Variants in RAP1GDS1 observed in about 807,000 individuals in gnomAD.
RAP1GDS1 encodes Rap1 GTPase-GDP dissociation stimulator 1.
RAP1GDS1 carries 35 observed loss-of-function variants against 71.1 expected under a neutral mutation model. That is an observed-to-expected ratio of 0.49 (90% CI 0.38 to 0.65). RAP1GDS1 has a LOEUF of 0.65. RAP1GDS1 is among the 30% of genes least tolerant of loss of function. RAP1GDS1 has a pLI of 0.00. For synonymous variants in RAP1GDS1, 229 were observed against 243.1 expected (o/e 0.94, Z 0.54); for missense variants, 663 against 706.1 (o/e 0.94, Z 0.69).
At position 98,383,449 on chromosome 4, in the gene RAP1GDS1, A is replaced by G. The variant is rs3775539; in HGVS notation, c.508+4286A>G. On this transcript the variant is annotated intron_variant, in intron 5 of 14. Coordinates refer to ENST00000408927, the MANE Select transcript of RAP1GDS1 (RefSeq NM_001100427.2). The stretch of plus-strand genomic sequence containing the variant: ...TATATGATTTCTACAAATACAGCCG[A>G]TTTTTCTAATATTTTAATTACTCCT... Among the ~76,000 whole-genome samples, 224 of 151,496 alleles carry G rather than the reference A, an allele frequency of 1.5e-3. 14 individuals carry two copies. The East Asian group carries it at 0.042, about 29-fold the overall frequency.
At chr4:98,284,279 C>T (rs553525107) in intron 1 of RAP1GDS1, among the ~76,000 whole-genome samples, 3 of 152,040 alleles carry the variant, frequency 2.0e-5, no homozygotes, top group South Asian at 2.1e-4. Context: ...AGTTTGTTAC[C>T]TGGATAAATT....
In RAP1GDS1 at chr4:98,433,988, T is replaced by C; in HGVS notation, c.1493T>C (p.Met498Thr). ...GGTGGCATCAAGCATCTAGTTACCATGGCAACTAGTGAACATGTAATAATG... is the reference window on the plus strand; with the variant it reads ...GGTGGCATCAAGCATCTAGTTACCACGGCAACTAGTGAACATGTAATAATG... Reference protein sequence around the residue: ...QSGGIKHLVTMATSEHVIMQN... With the variant: ...QSGGIKHLVTTATSEHVIMQN... The change falls in exon 13 of 15, where the codon ATG becomes ACG. Residue 498 changes from methionine to threonine, a missense_variant. Coordinates refer to ENST00000408927, the MANE Select transcript of RAP1GDS1 (RefSeq NM_001100427.2). 6.2e-7 allele frequency: 1 copy of C among 1,613,074 alleles called. No homozygotes were observed. The highest frequency in any genetic ancestry group is 2.2e-5 in the East Asian group (1 of 44,858).
chr4:98,379,150 T>C lies in RAP1GDS1; in HGVS notation c.495T>C (p.Tyr165=). The change falls in exon 5 of 15, where the codon TAT becomes TAC. Residue 165 remains tyrosine, a synonymous_variant. Coordinates refer to ENST00000408927, the MANE Select transcript of RAP1GDS1 (RefSeq NM_001100427.2). The part of the protein sequence containing the change: ...LTVFCGMLMN[Y]SNENDSLQAQ... ...TCTTTTGTGGCATGCTGATGAACTATAGCAATGAGAATGGTAAACAAAACT... is the reference window on the plus strand; with the variant it reads ...TCTTTTGTGGCATGCTGATGAACTACAGCAATGAGAATGGTAAACAAAACT... 6.3e-7 allele frequency: 1 copy of C among 1,594,080 alleles called. No individual in the cohort carries two copies. The highest frequency in any genetic ancestry group is 1.2e-5 in the South Asian group (1 of 86,752).
In RAP1GDS1 at chr4:98,413,435, C is replaced by T. The variant is rs183664180; in HGVS notation, c.764-3310C>T. On this transcript the variant is annotated intron_variant, in intron 7 of 14. Coordinates refer to ENST00000408927, the MANE Select transcript of RAP1GDS1 (RefSeq NM_001100427.2). ...CCTTCCAGTGTCCATGTGATCTCAT[C>T]GTTCAATTCCCACCTATGAGTGAGA... Among the ~76,000 whole-genome samples the T allele has an allele frequency of 5.8e-3, 873 of 151,174 alleles. 4 individuals are homozygous for T. The highest frequency in any genetic ancestry group is 0.02 in the African/African-American group (835 of 41,240).
At chr4:98,318,183 G>A (rs1367192335) in intron 2 of RAP1GDS1, among the ~76,000 whole-genome samples, 1 of 151,948 alleles carries the variant, frequency 6.6e-6, no homozygotes, top group African/African-American at 2.4e-5. Flanking sequence ...TAGCCACTCT[G>A]GATAAATATC....
At chr4:98,313,246 G>C (rs1389579122) in intron 2 of RAP1GDS1, among the ~76,000 whole-genome samples, 1 of 152,014 alleles carries the variant, frequency 6.6e-6, no homozygotes, top group Non-Finnish European at 1.5e-5. Flanking sequence ...AAGGTGTGTT[G>C]TTTATTCTGT....
At chr4:98,293,612 A>G (rs1031167403) in intron 2 of RAP1GDS1, 97 bp downstream of exon 2, 3 of 825,334 alleles carry the variant, frequency 3.6e-6, no homozygotes, top group African/African-American at 3.5e-5. Flanking sequence ...CTTTGTATTC[A>G]TATAACTTGA....
intron 5 of RAP1GDS1, among the ~76,000 whole-genome samples, chr4:98,391,612 T>C (rs1185306959): frequency 6.6e-6 from 1 of 152,130 alleles, no homozygotes; most frequent in African/African-American, 2.4e-5. Context: ...CTCTAAATTT[T>C]TCACTCAAAA....
chr4:98,432,080 C>T (rs548139296), intron 12 of RAP1GDS1, among the ~76,000 whole-genome samples: 74 of 152,148 alleles, frequency 4.9e-4, no homozygotes, highest in Non-Finnish European at 5.4e-4. Flanking sequence ...TATCCCTCCC[C>T]GCTCCCCCCA....
At position 98,435,411 on chromosome 4, in the gene RAP1GDS1, TA is replaced by T. The variant is rs200526444; in HGVS notation, c.1567+1351del. Among the ~76,000 whole-genome samples, 829 of 152,290 alleles carry T rather than the reference TA, an allele frequency of 5.4e-3. 5 individuals carry two copies. Among genetic ancestry groups the T allele is most frequent in the African/African-American group, 0.019 (805 of 41,554 alleles). On this transcript the variant is annotated intron_variant, in intron 13 of 14. Coordinates refer to ENST00000408927, the MANE Select transcript of RAP1GDS1 (RefSeq NM_001100427.2). ...ATATGAATTATATACTATATTCTTA[TA>T]ATAAAGCCAGAGAAAAGAAAATGTT...
At chr4:98,286,886 T>TAAAAA (rs778410316) in intron 1 of RAP1GDS1, among the ~76,000 whole-genome samples, 4 of 90,136 alleles carry the variant, frequency 4.4e-5, no homozygotes, top group African/African-American at 8.1e-5. Flanking sequence ...AACTCCGTCT[T>TAAAAA]AAAAAAAAAA....
At chr4:98,428,820 T>A (rs1407124506) in intron 12 of RAP1GDS1, among the ~76,000 whole-genome samples, 1 of 152,180 alleles carries the variant, frequency 6.6e-6, no homozygotes, top group Non-Finnish European at 1.5e-5. Context: ...TACCATTTGA[T>A]CCAGCAATCC....
At chr4:98,397,481 A>G (rs944507906) in intron 6 of RAP1GDS1, among the ~76,000 whole-genome samples, 1 of 152,168 alleles carries the variant, frequency 6.6e-6, no homozygotes, top group Non-Finnish European at 1.5e-5. Flanking sequence ...CACTCTCTAA[A>G]AACAAAAAGC....
At chr4:98,375,892 G>T (rs1291992162) in intron 4 of RAP1GDS1, among the ~76,000 whole-genome samples, 1 of 152,028 alleles carries the variant, frequency 6.6e-6, no homozygotes, top group Non-Finnish European at 1.5e-5. Flanking sequence ...CTGTATTTTA[G>T]GTCTTTTCCT....
chr4:98,304,572 C>T (rs2110303665), intron 2 of RAP1GDS1, among the ~76,000 whole-genome samples: 1 of 151,970 alleles, frequency 6.6e-6, no homozygotes, highest in African/African-American at 2.4e-5. Flanking sequence ...GTTTGTAGTT[C>T]CTTGTAAATT....
intron 6 of RAP1GDS1, among the ~76,000 whole-genome samples, chr4:98,400,358 A>G (rs1745197224): frequency 6.6e-6 from 1 of 152,118 alleles, no homozygotes; most frequent in Non-Finnish European, 1.5e-5. Context: ...ATATACACAC[A>G]CACACACAAT....
intron 7 of RAP1GDS1, among the ~76,000 whole-genome samples, chr4:98,414,072 T>C (rs1747524801): frequency 6.6e-6 from 1 of 151,784 alleles, no homozygotes; most frequent in South Asian, 2.1e-4. Context: ...GGTTGTTTTT[T>C]TCTTGTAAAT....
intron 2 of RAP1GDS1, among the ~76,000 whole-genome samples, chr4:98,333,813 A>T (rs1734330739): frequency 6.6e-6 from 1 of 152,114 alleles, no homozygotes; most frequent in East Asian, 1.9e-4. Context: ...ACTAAAATAT[A>T]TTGGTATTTT....
chr4:98,328,109 G>A (rs139971136), intron 2 of RAP1GDS1, among the ~76,000 whole-genome samples: 3 of 152,264 alleles, frequency 2.0e-5, no homozygotes, highest in East Asian at 3.9e-4. Flanking sequence ...TTGTAACCAT[G>A]TGGCCTGTTT....
Sources: allele counts gnomAD v4.1 joint callset (sites outside exome capture counted in the v4.1 genomes callset), GRCh38; gene constraint gnomAD v4.1.1; transcripts MANE v1.5; gene names NCBI Gene and HGNC (gene_info 2026-07-23, HGNC 2026-07-21).